Variants in PIK3R1 observed in about 807,000 individuals in gnomAD.
The protein encoded by PIK3R1 is phosphatidylinositol 3-kinase regulatory subunit alpha.
In PIK3R1, 29 loss-of-function variants were observed where a neutral mutation model predicts 98.0. The ratio of observed to expected loss-of-function variants is 0.30; its 90% CI spans 0.22 to 0.40. The LOEUF is 0.40. Among genes scored for constraint, PIK3R1 ranks in the 10% least tolerant of loss-of-function variants. The pLI is 1.00. For missense variants in PIK3R1, 596 were observed against 872.7 expected (o/e 0.68, Z 3.99); for synonymous variants, 282 against 311.8 (o/e 0.90, Z 1.01).
chr5:68,266,144 A>T (rs1399119377), intron 2 of PIK3R1, among the ~76,000 whole-genome samples: 1 of 152,184 alleles, frequency 6.6e-6, no homozygotes, highest in African/African-American at 2.4e-5. Context: ...CTTTCTGTCC[A>T]GTTCCTCTCC....
intron 7 of PIK3R1, chr5:68,288,535 AGCTGG>A: frequency 6.9e-7 from 1 of 1,444,546 alleles, no homozygotes. Context: ...AGCCAAGCGG[AGCTGG>A]GCCACTGTGC....
chr5:68,234,182 T>A (rs964520056), intron 2 of PIK3R1, among the ~76,000 whole-genome samples: 1 of 152,248 alleles, frequency 6.6e-6, no homozygotes, highest in African/African-American at 2.4e-5. Flanking sequence ...GTTCCAGTGT[T>A]CTCTAATTGT....
At chr5:68,269,743 ATTG>A (rs1303234565) in intron 2 of PIK3R1, among the ~76,000 whole-genome samples, 1 of 152,184 alleles carries the variant, frequency 6.6e-6, no homozygotes, top group Non-Finnish European at 1.5e-5. Flanking sequence ...AATTGATCCT[ATTG>A]TTGGAAGTAG....
At position 68,294,613 on chromosome 5, in the gene PIK3R1, A is replaced by G; in HGVS notation, c.1503A>G (p.Gln501=). ...TATTTGAAGAACAGTGCCAGACCCA[A>G]GAGCGGTACAGCAAAGAATACATAG... ...IKIFEEQCQT[Q]ERYSKEYIEK... The change falls in exon 12 of 16, where the codon CAA becomes CAG. Residue 501 remains glutamine (Q), a synonymous_variant. Coordinates refer to ENST00000521381, the MANE Select transcript of PIK3R1 (RefSeq NM_181523.3). 6.2e-7 allele frequency: 1 copy of G among 1,612,840 alleles called. No individual in the cohort carries two copies. Among genetic ancestry groups the G allele is most frequent in the Non-Finnish European group, 8.5e-7 (1 of 1,179,236 alleles).
chr5:68,251,764 GT>G (rs1427673833), intron 2 of PIK3R1, among the ~76,000 whole-genome samples: 1 of 152,096 alleles, frequency 6.6e-6, no homozygotes, highest in Admixed American at 6.5e-5. Flanking sequence ...TAAACAAAAT[GT>G]TTGTATTTCC....
intron 8 of PIK3R1, 85 bp from the exon 9 acceptor site, chr5:68,293,016 G>C: frequency 9.0e-7 from 1 of 1,117,218 alleles, no homozygotes; most frequent in Admixed American, 1.9e-5. Flanking sequence ...ACCTAAAACT[G>C]CTCTAAAAAA....
intron 2 of PIK3R1, among the ~76,000 whole-genome samples, chr5:68,251,590 AAG>A (rs1056608527): frequency 1.3e-5 from 2 of 151,830 alleles, no homozygotes; most frequent in Non-Finnish European, 2.9e-5. Context: ...GCGGGGTGGA[AAG>A]AGGGGATTCC....
rs569444577 is a variant in PIK3R1, at chr5:68,244,424, T to A, written c.334+17415T>A. 8.6e-5 allele frequency among the ~76,000 whole-genome samples: 13 copies of A among 151,672 alleles called. No individual in the cohort carries two copies. In the East Asian group the frequency reaches 2.5e-3, roughly 29 times the overall value. On this transcript the variant is annotated intron_variant, in intron 2 of 15. Coordinates refer to ENST00000521381, the MANE Select transcript of PIK3R1 (RefSeq NM_181523.3). ...TTCACTCAGTGGTCCTTGTGAAAACTTTTTTCTAACTGCTTATTTTATATC... is the reference window on the plus strand; with the variant it reads ...TTCACTCAGTGGTCCTTGTGAAAACATTTTTCTAACTGCTTATTTTATATC...
intron 11 of PIK3R1, 33 bp from the exon 12 acceptor site, chr5:68,294,503 G>T (rs1333866320): frequency 5.2e-6 from 8 of 1,545,176 alleles, no homozygotes; most frequent in Non-Finnish European, 7.1e-6. Context: ...TCTATGAAAG[G>T]TATGACATTA....
At position 68,293,773 on chromosome 5, in the gene PIK3R1, A is replaced by G; in HGVS notation, c.1364A>G (p.Gln455Arg). 1 of 1,557,810 alleles carries G rather than the reference A, an allele frequency of 6.4e-7. No individual in the cohort carries two copies. Among genetic ancestry groups the G allele is most frequent in the Non-Finnish European group, 8.8e-7 (1 of 1,137,154 alleles). The change falls in exon 11 of 16, where the codon CAG becomes CGG. Residue 455 changes from glutamine (Q) to arginine (R), a missense_variant. Physicochemically the swap from Gln to Arg is conservative, Grantham distance 43. Around this residue, in one of 3 missense-constraint regions of PIK3R1, gnomAD observed 207 missense variants for 361.4 expected, o/e 0.57. Coordinates refer to ENST00000521381, the MANE Select transcript of PIK3R1 (RefSeq NM_181523.3). ...AAAAAATTACATGAATATAACACTC[A>G]GTTTCAAGAAAAAAGTCGAGAATAT... ...VGKKLHEYNT[Q>R]FQEKSREYDR...
chr5:68,222,577 C>T (rs569306197), intron 1 of PIK3R1, among the ~76,000 whole-genome samples: 21 of 152,200 alleles, frequency 1.4e-4, no homozygotes, highest in Non-Finnish European at 2.6e-4. Flanking sequence ...GGACTTCTTT[C>T]GCAGGGACAC....
At chr5:68,295,094 G>A in intron 12 of PIK3R1, 54 bp from the exon 13 acceptor site, 1 of 1,445,962 alleles carries the variant, frequency 6.9e-7, no homozygotes, top group Non-Finnish European at 9.4e-7. Context: ...ATAAACTTTG[G>A]GGACCGTTCC....
chr5:68,271,876 G>A (rs1189769195), intron 2 of PIK3R1, among the ~76,000 whole-genome samples: 1 of 152,140 alleles, frequency 6.6e-6, no homozygotes, highest in African/African-American at 2.4e-5. Flanking sequence ...ATACTTCTCT[G>A]AGATCAAAAT....
chr5:68,292,838 A>G, intron 8 of PIK3R1: 1 of 877,232 alleles, frequency 1.1e-6, no homozygotes, highest in Non-Finnish European at 1.6e-6. Flanking sequence ...ACCAATAGTG[A>G]AAGTGATATG....
intron 7 of PIK3R1, among the ~76,000 whole-genome samples, chr5:68,289,603 T>G (rs1056146573): frequency 2.0e-5 from 3 of 150,334 alleles, no homozygotes; most frequent in African/African-American, 7.3e-5. Flanking sequence ...TAAAGAGAGA[T>G]TGGTTCACAA....
chr5:68,237,719 A>G (rs909619782), intron 2 of PIK3R1, among the ~76,000 whole-genome samples: 3 of 151,794 alleles, frequency 2.0e-5, no homozygotes, highest in African/African-American at 7.3e-5. Context: ...AGAAGATAGG[A>G]AGAAAAAAAA....
At chr5:68,278,794 G>A (rs1746687009) in intron 4 of PIK3R1, among the ~76,000 whole-genome samples, 1 of 152,044 alleles carries the variant, frequency 6.6e-6, no homozygotes, top group Non-Finnish European at 1.5e-5. Flanking sequence ...ACAAAAATTA[G>A]CCAGGCGTGG....
intron 2 of PIK3R1, among the ~76,000 whole-genome samples, chr5:68,267,218 A>G (rs975896139): frequency 2.0e-5 from 3 of 152,258 alleles, no homozygotes; most frequent in African/African-American, 7.2e-5. Flanking sequence ...TAATTAGGCT[A>G]GCCTGTCAAA....
chr5:68,217,653 T>TGTGTGTGCGCGCGCGCGC (rs1386976488), intron 1 of PIK3R1: 13 of 149,396 alleles, frequency 8.7e-5, no homozygotes, highest in African/African-American at 3.0e-4. Flanking sequence ...TGTGTGTGTG[T>TGTGTGTGCGCGCGCGCGC]GCGCGCGCGT....
Sources: gnomAD v4.1 joint callset for allele counts (sites outside exome capture counted in the v4.1 genomes callset) on GRCh38, gnomAD v4.1.1 for gene constraint, gnomAD v4.1.1 regional missense constraint, MANE v1.5 for transcripts, NCBI Gene and HGNC (gene_info 2026-07-23, HGNC 2026-07-21) for gene names.